Variants in SLC8A1 observed in about 807,000 individuals in gnomAD.
The protein encoded by SLC8A1 is sodium/calcium exchanger 1.
A neutral mutation model predicts 68.3 loss-of-function variants in SLC8A1; 18 were observed. The observed-to-expected ratio is 0.26, with a 90% confidence interval of 0.18 to 0.39. The LOEUF is 0.39. Ranked by LOEUF, SLC8A1 falls within the 10% of genes least tolerant of loss-of-function variation. The probability of loss-of-function intolerance (pLI) is 1.00; values close to 1 mark genes in which losing one functional copy is unlikely to be tolerated. For missense variants in SLC8A1, 985 were observed against 1,156.7 expected, an observed-to-expected ratio of 0.85 and a Z score of 2.15; for synonymous variants, 475 against 415.5, an observed-to-expected ratio of 1.14 and a Z score of -1.74.
At chr2:40,406,961 T>C (rs1358818098) in intron 2 of SLC8A1, among the ~76,000 whole-genome samples, 3 of 151,934 alleles carry the variant, frequency 2.0e-5, no homozygotes, top group African/African-American at 7.3e-5. Context: ...TTTTTTTTAC[T>C]TCATGATGAC....
chr2:40,393,862 C>A (rs1028030639), intron 2 of SLC8A1, among the ~76,000 whole-genome samples: 2 of 152,062 alleles, frequency 1.3e-5, no homozygotes, highest in African/African-American at 4.8e-5. Context: ...TTATAAAGTT[C>A]AGCTTTTATT....
upstream of SLC8A1, among the ~76,000 whole-genome samples, chr2:40,454,602 C>A (rs4952625): frequency 5.8e-3 from 860 of 148,734 alleles, 24 homozygotes; most frequent in Admixed American, 0.05. Context: ...GGGAAAAAAA[C>A]AATATTAAAT....
At chr2:40,251,468 A>G (rs1209846035) in intron 2 of SLC8A1, 1 of 152,228 alleles carries the variant, frequency 6.6e-6, no homozygotes, top group Non-Finnish European at 1.5e-5. Flanking sequence ...CGTTCTTCCA[A>G]AAAGGGCCAT....
chr2:40,417,932 A>G (rs964718287), intron 2 of SLC8A1, among the ~76,000 whole-genome samples: 1 of 152,020 alleles, frequency 6.6e-6, no homozygotes, highest in African/African-American at 2.4e-5. Context: ...GTAAGCTGGA[A>G]AACTTTAGGG....
intron 1 of SLC8A1, among the ~76,000 whole-genome samples, chr2:40,501,305 C>G (rs1264470254): frequency 6.6e-6 from 1 of 152,044 alleles, no homozygotes; most frequent in Non-Finnish European, 1.5e-5. Flanking sequence ...CATTAACACC[C>G]TGGAAACTTC....
rs189403871 is a variant in SLC8A1 at position 40,371,484 on chromosome 2, A to G, written c.1808+56989T>C. ...AGCAAAGCTTGACTACAATGTTACC[A>G]AGGCTCAGGGACCTCACTCTTAAAA... On this transcript the variant is annotated intron_variant, in intron 2 of 7. Coordinates refer to ENST00000406785, the Ensembl canonical transcript of SLC8A1. Among the ~76,000 whole-genome samples the G allele has an allele frequency of 1.5e-3, 225 of 152,176 alleles. 1 individual carries two copies. Among genetic ancestry groups the G allele is most frequent in the Middle Eastern group, 0.014 (4 of 294 alleles).
intron 2 of SLC8A1, among the ~76,000 whole-genome samples, chr2:40,228,028 C>T (rs540994573): frequency 2.0e-5 from 3 of 152,090 alleles, no homozygotes; most frequent in Non-Finnish European, 4.4e-5. Context: ...ATATTCATAA[C>T]GTGGGCTTAA....
chr2:40,245,679 C>A (rs2061772048), intron 2 of SLC8A1, among the ~76,000 whole-genome samples: 1 of 151,818 alleles, frequency 6.6e-6, no homozygotes, highest in Non-Finnish European at 1.5e-5. Context: ...CTTAAAAAGT[C>A]AAACTTTTTT....
chr2:40,200,189 T>G (rs1314170587), intron 2 of SLC8A1, among the ~76,000 whole-genome samples: 1 of 11,064 alleles, frequency 9.0e-5, no homozygotes, highest in Non-Finnish European at 3.0e-4. Flanking sequence ...TATATATATA[T>G]ATTTATATAT....
chr2:40,163,148 G>C (rs1180144403), intron 5 of SLC8A1, among the ~76,000 whole-genome samples: 2 of 152,154 alleles, frequency 1.3e-5, no homozygotes, highest in East Asian at 3.9e-4. Context: ...GTTTCATGTA[G>C]AGACTTGGGG....
At chr2:40,207,116 G>A (rs189382226) in intron 2 of SLC8A1, among the ~76,000 whole-genome samples, 1 of 152,124 alleles carries the variant, frequency 6.6e-6, no homozygotes, top group African/African-American at 2.4e-5. Context: ...AGAAAGCATT[G>A]TGTCATGGTT....
chr2:40,214,259 A>G (rs1427910274), intron 2 of SLC8A1, among the ~76,000 whole-genome samples: 1 of 152,124 alleles, frequency 6.6e-6, no homozygotes, highest in Admixed American at 6.5e-5. Context: ...AGTTTTCCTC[A>G]CAGTCTCTGG....
intron 1 of SLC8A1, among the ~76,000 whole-genome samples, chr2:40,435,743 C>T (rs1699272252): frequency 1.3e-5 from 2 of 151,956 alleles, no homozygotes. Context: ...GGCCCTTTCC[C>T]CTACTTTATT....
chr2:40,323,110 T>G (rs114635799), intron 2 of SLC8A1, among the ~76,000 whole-genome samples: 1,865 of 152,270 alleles, frequency 0.012, 41 homozygotes, highest in African/African-American at 0.043. Flanking sequence ...ATATTCTTAT[T>G]TGTAAAGCAA....
At chr2:40,364,237 T>C (rs185911388) in intron 2 of SLC8A1, among the ~76,000 whole-genome samples, 23 of 152,186 alleles carry the variant, frequency 1.5e-4, no homozygotes, top group African/African-American at 4.8e-4. Flanking sequence ...GCTCAGTATA[T>C]GAATTAACTG....
chr2:40,388,906 G>A (rs1684427752), intron 2 of SLC8A1, among the ~76,000 whole-genome samples: 1 of 152,086 alleles, frequency 6.6e-6, no homozygotes, highest in East Asian at 1.9e-4. Context: ...AAGACCTTGA[G>A]CCTGCTGTGA....
intron 2 of SLC8A1, among the ~76,000 whole-genome samples, chr2:40,290,120 G>A (rs2069029872): frequency 1.3e-5 from 2 of 152,066 alleles, no homozygotes; most frequent in East Asian, 1.9e-4. Flanking sequence ...GTCTCAGGTT[G>A]GACTGCCACC....
intron 2 of SLC8A1, among the ~76,000 whole-genome samples, chr2:40,310,417 C>T (rs1286707785): frequency 6.6e-6 from 1 of 152,160 alleles, no homozygotes; most frequent in Non-Finnish European, 1.5e-5. Flanking sequence ...TGTTCAGATA[C>T]ACAGTTAAGA....
intron 2 of SLC8A1, among the ~76,000 whole-genome samples, chr2:40,357,176 T>G (rs1672937522): frequency 6.6e-6 from 1 of 152,136 alleles, no homozygotes; most frequent in Admixed American, 6.5e-5. Context: ...GGAAAAAACA[T>G]TCAAAAATAT....
Sources: allele counts gnomAD v4.1 joint callset (sites outside exome capture counted in the v4.1 genomes callset), GRCh38; gene constraint gnomAD v4.1.1; transcripts MANE v1.5; gene names NCBI Gene and HGNC (gene_info 2026-07-23, HGNC 2026-07-21).